Variants in RBFOX1 observed in about 807,000 individuals in gnomAD.
RBFOX1 encodes the protein RNA binding protein fox-1 homolog 1.
In RBFOX1, 8 loss-of-function variants were observed where a neutral mutation model predicts 57.7. The observed-to-expected ratio is 0.14, with a 90% CI of 0.08 to 0.25. RBFOX1 has a LOEUF of 0.25. Among genes scored for constraint, RBFOX1 ranks in the 10% least tolerant of loss-of-function variants. The pLI, the probability that RBFOX1 is intolerant of heterozygous loss-of-function variation, is 1.00. For synonymous variants in RBFOX1, 326 were observed against 222.4 expected (o/e 1.47, Z -4.15); for missense variants, 611 against 548.5 (o/e 1.11, Z -1.14).
At chr16:6,117,772 C>T (rs531346057) in intron 1 of RBFOX1, among the ~76,000 whole-genome samples, 7 of 152,278 alleles carry the variant, frequency 4.6e-5, no homozygotes, top group Admixed American at 2.0e-4. Context: ...TGGAGTAAGA[C>T]GCTATCTAAG....
intron 2 of RBFOX1, among the ~76,000 whole-genome samples, chr16:5,475,977 G>A (rs187773553): frequency 6.6e-6 from 1 of 152,108 alleles, no homozygotes; most frequent in Non-Finnish European, 1.5e-5. Context: ...TCCTCTGTCA[G>A]AATTACTGCT....
intron 4 of RBFOX1, among the ~76,000 whole-genome samples, chr16:7,235,894 A>C (rs2093741640): frequency 6.6e-6 from 1 of 152,114 alleles, no homozygotes; most frequent in Admixed American, 6.5e-5. Context: ...AATATTGATC[A>C]CTGTCTCCTT....
At chr16:7,166,307 C>A (rs1467007363) in intron 4 of RBFOX1, among the ~76,000 whole-genome samples, 1 of 152,116 alleles carries the variant, frequency 6.6e-6, no homozygotes, top group African/African-American at 2.4e-5. Context: ...AACCACCGCA[C>A]CCGGCCGGAG....
chr16:5,478,782 A>G (rs1239505185), intron 2 of RBFOX1, among the ~76,000 whole-genome samples: 1 of 152,078 alleles, frequency 6.6e-6, no homozygotes, highest in African/African-American at 2.4e-5. Flanking sequence ...GAGCCATAGT[A>G]TGTTACAGGA....
chr16:6,126,264 G>A (rs74499582), intron 1 of RBFOX1, among the ~76,000 whole-genome samples: 29 of 152,270 alleles, frequency 1.9e-4, no homozygotes, highest in African/African-American at 6.0e-4. Context: ...CCAGCGCATC[G>A]AGGAACAGTG....
intron 3 of RBFOX1, among the ~76,000 whole-genome samples, chr16:6,673,589 G>C (rs1338591540): frequency 2.6e-5 from 4 of 152,108 alleles, no homozygotes; most frequent in Admixed American, 1.3e-4. Flanking sequence ...GGGAGACAGA[G>C]CGAGACTCCA....
chr16:6,113,428 A>C (rs1171616334), intron 1 of RBFOX1, among the ~76,000 whole-genome samples: 1 of 152,212 alleles, frequency 6.6e-6, no homozygotes, highest in East Asian at 1.9e-4. Flanking sequence ...GAAGAACCAC[A>C]GCGACATAAA....
intron 2 of RBFOX1, among the ~76,000 whole-genome samples, chr16:6,443,924 T>C (rs1306856951): frequency 6.6e-6 from 1 of 152,160 alleles, no homozygotes; most frequent in Non-Finnish European, 1.5e-5. Flanking sequence ...ATTTATGTTC[T>C]ACAGTAGAGC....
chr16:7,090,467 C>G (rs1428805263), intron 4 of RBFOX1, among the ~76,000 whole-genome samples: 1 of 152,152 alleles, frequency 6.6e-6, no homozygotes, highest in East Asian at 1.9e-4. Context: ...TAAAGAAATG[C>G]TTTGGAATCG....
At chr16:6,548,886 G>C (rs2153861578) in intron 2 of RBFOX1, among the ~76,000 whole-genome samples, 1 of 151,864 alleles carries the variant, frequency 6.6e-6, no homozygotes, top group East Asian at 2.0e-4. Context: ...GACCAGCCTG[G>C]CCAACATGGC....
chr16:7,560,795 T>G lies in RBFOX1; in HGVS notation c.271-18982T>G, dbSNP rs550022009. Among the ~76,000 whole-genome samples the G allele has an allele frequency of 2.5e-4, 38 of 152,314 alleles. 1 individual carries two copies. In the South Asian group the frequency reaches 7.7e-3, roughly 31 times the overall value. ...TCCCAAGACTAGCGGATGTTTCCCT[T>G]TCTTCATTTTAAGAGTTTGGACTTT... On this transcript the variant is annotated intron_variant, in intron 5 of 15. Coordinates refer to ENST00000550418, the MANE Select transcript of RBFOX1 (RefSeq NM_018723.4).
chr16:5,401,495 A>T (rs1403448723), intron 1 of RBFOX1, among the ~76,000 whole-genome samples: 1 of 152,028 alleles, frequency 6.6e-6, no homozygotes, highest in Admixed American at 6.6e-5. Context: ...TCCTGCCGTT[A>T]GTCCTCTTTT....
At chr16:6,858,350 A>C (rs948132736) in intron 3 of RBFOX1, among the ~76,000 whole-genome samples, 1 of 152,214 alleles carries the variant, frequency 6.6e-6, no homozygotes, top group African/African-American at 2.4e-5. Context: ...AAATACAGGA[A>C]AAAGCAGAGC....
chr16:6,223,248 T>C (rs568851222), intron 1 of RBFOX1, among the ~76,000 whole-genome samples: 5 of 151,616 alleles, frequency 3.3e-5, no homozygotes, highest in African/African-American at 7.3e-5. Context: ...ATGGTATTTC[T>C]GGTTCTAGAT....
intron 3 of RBFOX1, among the ~76,000 whole-genome samples, chr16:5,863,336 C>T (rs2057271558): frequency 6.6e-6 from 1 of 152,204 alleles, no homozygotes; most frequent in Admixed American, 6.5e-5. Context: ...CTGCGCTGGT[C>T]CACAGAATGG....
At chr16:7,590,493 C>T (rs886595711) in intron 7 of RBFOX1, among the ~76,000 whole-genome samples, 7 of 152,010 alleles carry the variant, frequency 4.6e-5, no homozygotes, top group African/African-American at 1.7e-4. Context: ...GAGATTTACC[C>T]AACCATCTCG....
chr16:5,367,208 A>G (rs1242956500), intron 1 of RBFOX1, among the ~76,000 whole-genome samples: 2 of 152,122 alleles, frequency 1.3e-5, no homozygotes, highest in African/African-American at 2.4e-5. Context: ...TTAATCTTTC[A>G]TGTGAAGGGC....
At chr16:7,098,831 T>C (rs1736528629) in intron 4 of RBFOX1, among the ~76,000 whole-genome samples, 2 of 152,158 alleles carry the variant, frequency 1.3e-5, no homozygotes, top group African/African-American at 2.4e-5. Context: ...GTGGTCTTTC[T>C]AGTGAGGCAC....
intron 3 of RBFOX1, among the ~76,000 whole-genome samples, chr16:5,607,815 CT>C (rs2047640137): frequency 6.6e-6 from 1 of 152,142 alleles, no homozygotes; most frequent in African/African-American, 2.4e-5. Context: ...CCTTCTTTCC[CT>C]CAAAAGCATC....
Sources: gnomAD v4.1 joint callset for allele counts (sites outside exome capture counted in the v4.1 genomes callset) on GRCh38, gnomAD v4.1.1 for gene constraint, MANE v1.5 for transcripts, NCBI Gene and HGNC (gene_info 2026-07-23, HGNC 2026-07-21) for gene names.